ARHGAP24: variants seen among roughly 807,000 people sequenced by gnomAD.
ARHGAP24 encodes the protein rho GTPase-activating protein 24.
ARHGAP24 carries 50 observed loss-of-function variants against 76.4 expected under a neutral mutation model. The ratio of observed to expected loss-of-function variants is 0.65; its 90% CI spans 0.52 to 0.83. The LOEUF (loss-of-function observed/expected upper bound fraction) is 0.83. Ranked by LOEUF, ARHGAP24 falls within the 40% of genes least tolerant of loss-of-function variation. ARHGAP24 has a pLI of 0.00. For synonymous variants in ARHGAP24, 345 were observed against 323.3 expected (o/e 1.07, Z -0.72); for missense variants, 930 against 914.2 (o/e 1.02, Z -0.22).
chr4:85,722,672 A>T (rs1724998184), intron 3 of ARHGAP24: 1 of 154,208 alleles, frequency 6.5e-6, no homozygotes, highest in Non-Finnish European at 1.5e-5. Context: ...CTCCAAGGCC[A>T]TGTTGTCTAC....
At chr4:85,950,930 C>T (rs1411763871) in intron 5 of ARHGAP24, among the ~76,000 whole-genome samples, 6 of 152,092 alleles carry the variant, frequency 3.9e-5, no homozygotes, top group African/African-American at 1.2e-4. Context: ...CCACCCACCT[C>T]GGCCTCCCAA....
chr4:85,628,798 T>G (rs1428735578), intron 2 of ARHGAP24, among the ~76,000 whole-genome samples: 1 of 152,240 alleles, frequency 6.6e-6, no homozygotes, highest in Non-Finnish European at 1.5e-5. Context: ...CTAATGTAAG[T>G]ATAGACACTT....
intron 3 of ARHGAP24, among the ~76,000 whole-genome samples, chr4:85,783,733 C>T (rs1727671717): frequency 6.6e-6 from 1 of 151,600 alleles, no homozygotes; most frequent in Admixed American, 6.6e-5. Flanking sequence ...AGACTTTATT[C>T]TCAAGGAGTG....
intron 8 of ARHGAP24, chr4:85,992,273 T>C (rs76287764): frequency 5.1e-6 from 2 of 393,928 alleles, no homozygotes; most frequent in Admixed American, 4.4e-5. Context: ...ATAAAAATTC[T>C]AAGAAAGTCT....
intron 4 of ARHGAP24, chr4:85,930,906 G>T (rs369750636): frequency 1.2e-6 from 2 of 1,613,208 alleles, no homozygotes; most frequent in Admixed American, 1.7e-5. Context: ...AGCCAAAACC[G>T]GGTTCAGAAC....
chr4:85,552,849 G>C, intron 1 of ARHGAP24, among the ~76,000 whole-genome samples: 1 of 152,014 alleles, frequency 6.6e-6, no homozygotes, highest in East Asian at 1.9e-4. Flanking sequence ...ACCGCTGCTT[G>C]GTAGATTTTT....
chr4:85,885,608 A>T (rs1473838051), intron 3 of ARHGAP24, among the ~76,000 whole-genome samples: 1 of 152,132 alleles, frequency 6.6e-6, no homozygotes, highest in African/African-American at 2.4e-5. Context: ...TTAGACTTAA[A>T]ATAATAATAC....
intron 3 of ARHGAP24, among the ~76,000 whole-genome samples, chr4:85,735,919 C>T (rs776688694): frequency 2.0e-4 from 31 of 151,982 alleles, no homozygotes; most frequent in African/African-American, 4.1e-4. Flanking sequence ...AATCTATCAC[C>T]GTCTACAGGA....
intron 1 of ARHGAP24, among the ~76,000 whole-genome samples, chr4:85,518,179 A>G (rs1265361913): frequency 6.6e-6 from 1 of 152,128 alleles, no homozygotes; most frequent in Non-Finnish European, 1.5e-5. Flanking sequence ...GCAAAATAAT[A>G]TGTAAGGTGT....
In ARHGAP24 at chr4:86,000,768, G is replaced by A. The variant is rs764935444; in HGVS notation, c.*46G>A. The A allele has an allele frequency of 2.7e-5, 43 of 1,611,776 alleles. No homozygotes were observed. The highest frequency in any genetic ancestry group is 3.5e-5 in the Non-Finnish European group (41 of 1,178,860). Reference sequence around the variant, plus strand: ...TCTGATGGCTCTGGCAAGGACTCCAGGGATTCTGGTGGGATATGACTTAGA... The same window carrying A: ...TCTGATGGCTCTGGCAAGGACTCCAAGGATTCTGGTGGGATATGACTTAGA... On this transcript the variant is annotated 3_prime_UTR_variant, in exon 10 of 10. Transcript: ENST00000395184.
chr4:85,961,305 A>ATTCCAGAG (rs201483801), intron 5 of ARHGAP24, among the ~76,000 whole-genome samples: 1 of 151,320 alleles, frequency 6.6e-6, no homozygotes, highest in Non-Finnish European at 1.5e-5. Flanking sequence ...TTGTTGAAGT[A>ATTCCAGAG]AAAGGGACAA....
At chr4:85,964,871 G>T (rs1459826750) in intron 5 of ARHGAP24, among the ~76,000 whole-genome samples, 1 of 152,088 alleles carries the variant, frequency 6.6e-6, no homozygotes, top group Non-Finnish European at 1.5e-5. Context: ...ACGTGTGTGT[G>T]TGTGTGTACT....
intron 3 of ARHGAP24, among the ~76,000 whole-genome samples, chr4:85,744,568 GAC>G (rs940804911): frequency 5.3e-5 from 8 of 152,138 alleles, no homozygotes; most frequent in African/African-American, 1.9e-4. Context: ...AGAGAGAAAA[GAC>G]ACACAGAGAG....
At chr4:85,691,250 C>CT (rs1723645191) in intron 2 of ARHGAP24, among the ~76,000 whole-genome samples, 1 of 151,986 alleles carries the variant, frequency 6.6e-6, no homozygotes. Context: ...TGTATTGAGA[C>CT]TTTCTTTATG....
intron 2 of ARHGAP24, among the ~76,000 whole-genome samples, chr4:85,662,100 C>G (rs1173126192): frequency 2.0e-5 from 3 of 152,196 alleles, no homozygotes; most frequent in Admixed American, 6.5e-5. Flanking sequence ...ACACTGACTT[C>G]CACAAGGGTT....
chr4:85,733,060 C>CTTTTTT (rs1210109366), intron 3 of ARHGAP24, among the ~76,000 whole-genome samples: 8,938 of 54,570 alleles, frequency 0.16, 3,137 homozygotes, highest in East Asian at 0.66. Flanking sequence ...GCCTCACCAA[C>CTTTTTT]TTTTTTTTTT....
At position 85,537,259 on chromosome 4, in the gene ARHGAP24, G is replaced by A. The variant is rs145930334; in HGVS notation, c.-20-33263G>A. On this transcript the variant is annotated intron_variant, in intron 1 of 9. Transcript: ENST00000395184. The stretch of plus-strand genomic sequence containing the variant: ...CCTTGAGAGGTTTTCCATCTGGTTC[G>A]TAAGATAAGGCTTAGACCTAAGACT... 9.1e-3 allele frequency among the ~76,000 whole-genome samples: 1,382 copies of A among 152,220 alleles called. 15 individuals carry two copies. The highest frequency in any genetic ancestry group is 0.017 in the Middle Eastern group (5 of 294).
At chr4:85,633,904 G>T (rs975825031) in intron 2 of ARHGAP24, among the ~76,000 whole-genome samples, 1 of 151,732 alleles carries the variant, frequency 6.6e-6, no homozygotes, top group Non-Finnish European at 1.5e-5. Context: ...TATTTTCCCA[G>T]TAAATTTTTC....
chr4:85,714,679 C>A (rs1411147485), intron 2 of ARHGAP24, among the ~76,000 whole-genome samples: 1 of 152,010 alleles, frequency 6.6e-6, no homozygotes, highest in Non-Finnish European at 1.5e-5. Context: ...AAATTTATAA[C>A]AATGCTTAGG....
Sources: gnomAD v4.1 joint callset for allele counts (sites outside exome capture counted in the v4.1 genomes callset) on GRCh38, gnomAD v4.1.1 for gene constraint, MANE v1.5 for transcripts, NCBI Gene and HGNC (gene_info 2026-07-23, HGNC 2026-07-21) for gene names.